Variants in ESRRG observed in about 807,000 individuals in gnomAD.
The protein encoded by ESRRG is estrogen related receptor gamma, also known as estrogen-related receptor gamma.
Under a neutral mutation model 44.0 loss-of-function variants are expected in ESRRG, and 13 were observed. The observed-to-expected ratio is 0.30, with a 90% CI of 0.19 to 0.47. The LOEUF is 0.47. ESRRG is among the 20% of genes least tolerant of loss of function. The pLI, the probability that ESRRG is intolerant of heterozygous loss-of-function variation, is 1.00. For synonymous variants in ESRRG, 215 were observed against 214.6 expected, an observed-to-expected ratio of 1.00 and a Z score of -0.02; for missense variants, 395 against 580.6, an observed-to-expected ratio of 0.68 and a Z score of 3.29.
intron 1 of ESRRG, among the ~76,000 whole-genome samples, chr1:217,134,491 C>T (rs1168246545): frequency 6.6e-6 from 1 of 152,178 alleles, no homozygotes; most frequent in Non-Finnish European, 1.5e-5. Context: ...CCTCCCTACC[C>T]CCGCTCTGGC....
intron 2 of ESRRG, among the ~76,000 whole-genome samples, chr1:216,907,620 A>G (rs1329407148): frequency 6.6e-6 from 1 of 152,204 alleles, no homozygotes; most frequent in Non-Finnish European, 1.5e-5. Context: ...TACCACCACC[A>G]GTAGATAGCT....
chr1:216,824,171 GCACGGTGGCT>G (rs2095350293), intron 2 of ESRRG, among the ~76,000 whole-genome samples: 1 of 152,092 alleles, frequency 6.6e-6, no homozygotes, highest in Non-Finnish European at 1.5e-5. Context: ...ATTAGGCTGG[GCACGGTGGCT>G]CATGCCTGTA....
At chr1:216,995,477 G>A (rs1283193875) in intron 1 of ESRRG, among the ~76,000 whole-genome samples, 1 of 152,154 alleles carries the variant, frequency 6.6e-6, no homozygotes, top group East Asian at 1.9e-4. Context: ...TCACCCCTGT[G>A]GGCTCCTTCA....
At chr1:216,912,003 G>A (rs1013320021) in intron 2 of ESRRG, among the ~76,000 whole-genome samples, 2 of 151,272 alleles carry the variant, frequency 1.3e-5, no homozygotes, top group Admixed American at 6.6e-5. Flanking sequence ...GGAGGCTGAG[G>A]TGGGAGGATT....
At chr1:217,095,263 C>A (rs918464114) in intron 1 of ESRRG, among the ~76,000 whole-genome samples, 5 of 152,126 alleles carry the variant, frequency 3.3e-5, no homozygotes. Context: ...CCTTGAGACA[C>A]AATAAAAGCC....
At chr1:216,544,498 C>T (rs2053868811) in intron 5 of ESRRG, among the ~76,000 whole-genome samples, 1 of 152,010 alleles carries the variant, frequency 6.6e-6, no homozygotes, top group African/African-American at 2.4e-5. Context: ...ACCCACATTA[C>T]ACAGCTTTCA....
chr1:216,870,049 A>G (rs1222552307), intron 2 of ESRRG, among the ~76,000 whole-genome samples: 1 of 151,998 alleles, frequency 6.6e-6, no homozygotes, highest in African/African-American at 2.4e-5. Flanking sequence ...TAGGTAGACC[A>G]TCCTTGCTTT....
In ESRRG at chr1:216,679,688, C is replaced by T. The variant is rs2076716300; in HGVS notation, c.57-2197G>A. 2.7e-5 allele frequency among the ~76,000 whole-genome samples: 4 copies of T among 148,724 alleles called. No individual in the cohort carries two copies. In the South Asian group the frequency reaches 8.5e-4, roughly 32 times the overall value. On this transcript the variant is annotated intron_variant, in intron 1 of 6. Coordinates refer to ENST00000408911, the MANE Select transcript of ESRRG (RefSeq NM_001438.4). ...GCTTGGGGCTGCTTGATCTTCAGAC[C>T]CTCTTTTTAAATTTTTTTTCCCTCT...
At position 216,706,008 on chromosome 1, in the gene ESRRG, G is replaced by C. The variant is rs759003347; in HGVS notation, c.56+17236C>G. ...TGGGGCATTGGCAAATCCTTTACAT[G>C]CAATACTAGAGAAATCATAAATTAC... On this transcript the variant is annotated intron_variant, in intron 1 of 6. Transcript: ENST00000408911. 4.6e-5 allele frequency among the ~76,000 whole-genome samples: 7 copies of C among 152,006 alleles called. 1 individual carries two copies. Among genetic ancestry groups the C allele is most frequent in the Non-Finnish European group, 1.5e-5 (1 of 68,010 alleles).
intron 2 of ESRRG, among the ~76,000 whole-genome samples, chr1:216,782,191 A>G (rs1434030508): frequency 6.6e-6 from 1 of 152,114 alleles, no homozygotes; most frequent in Non-Finnish European, 1.5e-5. Context: ...GCAACACACA[A>G]GAGCTCTTAC....
intron 2 of ESRRG, among the ~76,000 whole-genome samples, chr1:216,763,890 A>C (rs2092930714): frequency 6.6e-6 from 1 of 152,196 alleles, no homozygotes; most frequent in Admixed American, 6.5e-5. Flanking sequence ...TAAATATAAA[A>C]ACTTATGAGA....
Position 217,083,494 on chromosome 1 carries a change from A to G in ESRRG, c.-106+6013T>C, listed in dbSNP as rs1166061226. On this transcript the variant is annotated intron_variant, in intron 1 of 7. Coordinates refer to the ESRRG transcript ENST00000359162. The stretch of plus-strand genomic sequence containing the variant: ...GAAGTAAGTTGGAGACCATGGAGTC[A>G]AACCCCTTCATTTTAGAAATGAAGA... 2.0e-5 allele frequency among the ~76,000 whole-genome samples: 3 copies of G among 152,260 alleles called. 1 individual carries two copies. Among genetic ancestry groups the G allele is most frequent in the Non-Finnish European group, 4.4e-5 (3 of 68,046 alleles).
At chr1:216,911,971 A>G (rs2060360744) in intron 2 of ESRRG, among the ~76,000 whole-genome samples, 1 of 151,154 alleles carries the variant, frequency 6.6e-6, no homozygotes, top group African/African-American at 2.4e-5. Context: ...GCTACTCAGG[A>G]GGCTGAGGTG....
chr1:216,637,785 T>C (rs1051313408), intron 3 of ESRRG, among the ~76,000 whole-genome samples: 4 of 152,158 alleles, frequency 2.6e-5, no homozygotes, highest in Non-Finnish European at 5.9e-5. Context: ...GTTTTTTTTT[T>C]CTCCTTTTTT....
At chr1:216,531,705 T>C (rs774872344) in intron 5 of ESRRG, among the ~76,000 whole-genome samples, 1 of 152,268 alleles carries the variant, frequency 6.6e-6, no homozygotes, top group South Asian at 2.1e-4. Context: ...ACCAAACCTG[T>C]GCCTCTTATA....
intron 2 of ESRRG, among the ~76,000 whole-genome samples, chr1:216,873,460 C>T (rs1419468977): frequency 3.9e-5 from 6 of 151,944 alleles, no homozygotes; most frequent in Admixed American, 3.9e-4. Context: ...GATCCACCTG[C>T]CTCAGTCCCC....
intron 1 of ESRRG, among the ~76,000 whole-genome samples, chr1:216,966,553 C>G (rs906742900): frequency 6.6e-6 from 1 of 152,136 alleles, no homozygotes; most frequent in Admixed American, 6.6e-5. Context: ...GGTGCAGGCT[C>G]ACCTGTAAGG....
chr1:216,514,494 T>C (rs183400897), intron 6 of ESRRG, among the ~76,000 whole-genome samples: 239 of 152,216 alleles, frequency 1.6e-3, no homozygotes, highest in African/African-American at 4.7e-3. Flanking sequence ...CTTTCTTGGG[T>C]AGTTTTATAC....
At chr1:216,940,375 C>T (rs2065016265) in intron 1 of ESRRG, among the ~76,000 whole-genome samples, 1 of 152,166 alleles carries the variant, frequency 6.6e-6, no homozygotes, top group Admixed American at 6.5e-5. Flanking sequence ...TAACTTAATG[C>T]TTCTCATATC....
Sources: gnomAD v4.1 joint callset for allele counts (sites outside exome capture counted in the v4.1 genomes callset) on GRCh38, gnomAD v4.1.1 for gene constraint, MANE v1.5 for transcripts, NCBI Gene and HGNC (gene_info 2026-07-23, HGNC 2026-07-21) for gene names.